Variants in CSMD1 observed in about 807,000 individuals in gnomAD.
CSMD1 encodes the protein CUB and Sushi multiple domains 1.
A neutral mutation model predicts 417.5 loss-of-function variants in CSMD1; 213 were observed. The ratio of observed to expected loss-of-function variants is 0.51; its 90% CI spans 0.46 to 0.57. CSMD1 has a LOEUF of 0.57. CSMD1 is among the 20% of genes least tolerant of loss of function. CSMD1 has a pLI of 0.00. For missense variants in CSMD1, 6,923 were observed against 4,529.7 expected (o/e 1.53, Z -15.17); for synonymous variants, 2,862 against 1,736.8 (o/e 1.65, Z -16.11).
At chr8:4,733,769 TAAC>T (rs1810049441) in intron 1 of CSMD1, among the ~76,000 whole-genome samples, 2 of 152,168 alleles carry the variant, frequency 1.3e-5, no homozygotes, top group African/African-American at 2.4e-5. Context: ...GAAACAAACT[TAAC>T]AACAACGACA....
rs748957217 is a variant in CSMD1 at position 3,399,448 on chromosome 8, T to C, written c.2348A>G (p.His783Arg). The part of the protein sequence containing the change: ...GWPGYYKDSL[H>R]CEWIIEAKPG... ...TTTTGCTTCAATTATCCATTCACAA[T>C]GTAAAGAATCCTTATAATATCCTGG... is the stretch of plus-strand genomic sequence containing the variant. The change falls in exon 16 of 70, where the codon CAT (histidine) becomes CGT (arginine). Residue 783 changes from histidine (H) to arginine (R), a missense_variant. His to Arg is a conservative substitution (Grantham distance 29). Transcript: ENST00000635120. The C allele has an allele frequency of 3.7e-6, 6 of 1,610,392 alleles. No individual in the cohort carries two copies. Among genetic ancestry groups the C allele is most frequent in the South Asian group, 1.1e-5 (1 of 89,912 alleles).
At chr8:4,115,176 T>C (rs10106849) in intron 3 of CSMD1, among the ~76,000 whole-genome samples, 150,694 of 152,318 alleles carry the variant, frequency 0.99, 74,570 homozygotes, top group East Asian at 1. Flanking sequence ...TTTTCACAGC[T>C]ACCCCAGCCT....
chr8:4,054,028 C>G (rs974197678), intron 3 of CSMD1, among the ~76,000 whole-genome samples: 2 of 152,248 alleles, frequency 1.3e-5, no homozygotes, highest in African/African-American at 4.8e-5. Context: ...ATGGCCACAG[C>G]TTTGCTTAGG....
intron 3 of CSMD1, among the ~76,000 whole-genome samples, chr8:4,180,128 A>C (rs532267059): frequency 6.6e-5 from 10 of 152,212 alleles, no homozygotes; most frequent in African/African-American, 2.4e-4. Context: ...ACATTCACAC[A>C]TATGTTTACT....
intron 5 of CSMD1, among the ~76,000 whole-genome samples, chr8:3,895,951 C>G (rs1283063350): frequency 6.6e-6 from 1 of 152,206 alleles, no homozygotes; most frequent in African/African-American, 2.4e-5. Flanking sequence ...TTAGGTCCCA[C>G]TTGTAAAAGA....
chr8:3,563,633 G>C (rs889456457), intron 10 of CSMD1, among the ~76,000 whole-genome samples: 2 of 152,106 alleles, frequency 1.3e-5, no homozygotes, highest in Non-Finnish European at 2.9e-5. Context: ...GCTCATACTT[G>C]TAATCCCAGC....
Position 4,229,522 on chromosome 8 carries a change from T to A in CSMD1, c.415+190431A>T, listed in dbSNP as rs571931803. On this transcript the variant is annotated intron_variant, in intron 3 of 69. Transcript: ENST00000635120. ...GTCTTCATATAATTCTACTGTAGCT[T>A]TTTTCCTCTTATTTCTCACACTTAC... is the stretch of plus-strand genomic sequence containing the variant. 2.6e-5 allele frequency among the ~76,000 whole-genome samples: 4 copies of A among 152,246 alleles called. No individual in the cohort carries two copies. In the South Asian group the frequency reaches 8.3e-4, roughly 32 times the overall value.
rs116728295 is a variant in CSMD1, at chr8:4,423,510, A to G, written c.303-3445T>C. Among the ~76,000 whole-genome samples, 840 of 152,248 alleles carry G rather than the reference A, an allele frequency of 5.5e-3. 12 individuals carry two copies. Among genetic ancestry groups the G allele is most frequent in the African/African-American group, 0.019 (791 of 41,588 alleles). On this transcript the variant is annotated intron_variant, in intron 2 of 69. Transcript: ENST00000635120. The stretch of plus-strand genomic sequence containing the variant: ...TACAATAAGATAAGCCCAACAGTGT[A>G]TACAGAAAAGTACACAACACTGAAG...
chr8:4,288,746 G>A (rs1006819127), intron 3 of CSMD1, among the ~76,000 whole-genome samples: 1 of 152,244 alleles, frequency 6.6e-6, no homozygotes, highest in Non-Finnish European at 1.5e-5. Flanking sequence ...CTCTCAGATG[G>A]TCAACCTCCC....
At chr8:3,865,536 A>G (rs531988038) in intron 5 of CSMD1, among the ~76,000 whole-genome samples, 1 of 152,152 alleles carries the variant, frequency 6.6e-6, no homozygotes, top group African/African-American at 2.4e-5. Flanking sequence ...GGTGGAGGCA[A>G]TGAGGGACCA....
intron 1 of CSMD1, among the ~76,000 whole-genome samples, chr8:4,918,341 T>A (rs1806210263): frequency 6.6e-6 from 1 of 152,228 alleles, no homozygotes; most frequent in African/African-American, 2.4e-5. Flanking sequence ...CTCTCTTTTC[T>A]TTTTGCTGGA....
rs190739412 is a variant in CSMD1 at position 3,271,113 on chromosome 8, G to A, written c.4153+13031C>T. Reference sequence around the variant, plus strand: ...CCCACAACAGTCCCCAGAGTGTGATGTTCCCCTTCCTGTGTTCACGTGTTC... The same window carrying A: ...CCCACAACAGTCCCCAGAGTGTGATATTCCCCTTCCTGTGTTCACGTGTTC... On this transcript the variant is annotated intron_variant, in intron 26 of 69. Coordinates refer to ENST00000635120, the MANE Select transcript of CSMD1 (RefSeq NM_033225.6). Among the ~76,000 whole-genome samples, 562 of 126,804 alleles carry A rather than the reference G, an allele frequency of 4.4e-3. 4 individuals carry two copies. Among genetic ancestry groups the A allele is most frequent in the Middle Eastern group, 0.029 (4 of 140 alleles). 83.2% of individuals were successfully genotyped at this position (126,804 alleles called of 152,430 possible).
Position 3,671,557 on chromosome 8 carries a change from GATCATATATATATATATATATA to G in CSMD1, c.1009+36835_1009+36856del, listed in dbSNP as rs1799058269. 3.7e-4 allele frequency among the ~76,000 whole-genome samples: 2 copies of G among 5,388 alleles called. 1 individual carries two copies. The highest frequency in any genetic ancestry group is 8.2e-4 in the Non-Finnish European group (2 of 2,432). 3.5% of individuals were successfully genotyped at this position (5,388 alleles called of 152,430 possible). On this transcript the variant is annotated intron_variant, in intron 7 of 69. Transcript: ENST00000635120. Reference sequence around the variant, plus strand: ...TATATATATATATGATCATATATATGATCATATATATATATATATATATATATATATATATATGATTAGTTCT... The same window carrying G: ...TATATATATATATGATCATATATATGTATATATATATATATGATTAGTTCT...
At chr8:4,890,372 T>A (rs1804031493) in intron 1 of CSMD1, among the ~76,000 whole-genome samples, 1 of 152,064 alleles carries the variant, frequency 6.6e-6, no homozygotes, top group Admixed American at 6.5e-5. Flanking sequence ...GAGATGGCAC[T>A]CGGGTCCTCA....
chr8:4,229,718 A>C (rs532835202), intron 3 of CSMD1, among the ~76,000 whole-genome samples: 100 of 151,854 alleles, frequency 6.6e-4, no homozygotes, highest in Non-Finnish European at 1.2e-3. Context: ...CTCTTGCTTG[A>C]CCCACCCCAT....
intron 4 of CSMD1, among the ~76,000 whole-genome samples, chr8:4,011,300 T>C (rs2740952): frequency 0.38 from 57,250 of 152,086 alleles, 10,803 homozygotes; most frequent in Non-Finnish European, 0.39. Context: ...TAGTGGAGAA[T>C]TGCTCTCTGC....
chr8:3,610,476 A>AGTGAGCTATGATTGTACTACT (rs71203454), intron 8 of CSMD1, among the ~76,000 whole-genome samples: 2 of 151,978 alleles, frequency 1.3e-5, no homozygotes, highest in Admixed American at 6.5e-5. Flanking sequence ...TCGAGATTAC[A>AGTGAGCTATGATTGTACTACT]GTACTCCAGG....
intron 1 of CSMD1, among the ~76,000 whole-genome samples, chr8:4,767,304 G>C (rs1585066836): frequency 6.6e-6 from 1 of 152,186 alleles, no homozygotes. Flanking sequence ...GACTATCATG[G>C]TGATAGAAAA....
intron 10 of CSMD1, among the ~76,000 whole-genome samples, chr8:3,553,210 G>A (rs1317280999): frequency 6.6e-6 from 1 of 152,100 alleles, no homozygotes; most frequent in Admixed American, 6.5e-5. Flanking sequence ...TCACTTCATG[G>A]ATTTATGAGA....
Sources: allele counts gnomAD v4.1 joint callset (sites outside exome capture counted in the v4.1 genomes callset), GRCh38; gene constraint gnomAD v4.1.1; transcripts MANE v1.5; gene names NCBI Gene and HGNC (gene_info 2026-07-23, HGNC 2026-07-21).